DCST1: variants seen among roughly 807,000 people sequenced by gnomAD.
DCST1 encodes the protein E3 ubiquitin-protein ligase DCST1.
In DCST1, 78 loss-of-function variants were observed where a neutral mutation model predicts 89.1. The observed-to-expected ratio is 0.88, with a 90% CI of 0.73 to 1.06. The LOEUF (loss-of-function observed/expected upper bound fraction) is 1.06, where lower values mean the gene tolerates loss of function less well. Ranked by LOEUF, DCST1 falls within the 50% of genes least tolerant of loss-of-function variation. The probability of loss-of-function intolerance (pLI) is 0.00; values close to 1 mark genes in which losing one functional copy is unlikely to be tolerated. For missense variants in DCST1, 900 were observed against 928.6 expected, an observed-to-expected ratio of 0.97 and a Z score of 0.40; for synonymous variants, 364 against 371.9, an observed-to-expected ratio of 0.98 and a Z score of 0.24.
rs2102357733 is a variant in DCST1, at chr1:155,043,827, G to A, written c.1172+318G>A. 1.3e-5 allele frequency among the ~76,000 whole-genome samples: 2 copies of A among 151,618 alleles called. 1 individual carries two copies. The highest frequency in any genetic ancestry group is 1.3e-4 in the Admixed American group (2 of 15,240). ...TTTTCTTGCCCTTCATATTCCCCTT[G>A]GCTCTGACTTTGTGCCATTTTTATC... On this transcript the variant is annotated intron_variant, in intron 10 of 16. Transcript: ENST00000295542.
chr1:155,042,971 G>T, intron 9 of DCST1, 115 bp downstream of exon 9: 3 of 1,449,822 alleles, frequency 2.1e-6, no homozygotes, highest in Non-Finnish European at 1.8e-6. Flanking sequence ...GTGACCAGGG[G>T]TGAGGGAGGG....
At chr1:155,033,919 C>T (rs1318317219) in intron 1 of DCST1, 53 bp from the exon 2 acceptor site, 5 of 1,416,968 alleles carry the variant, frequency 3.5e-6, no homozygotes, top group Non-Finnish European at 4.9e-6. Context: ...GAGCTCAGGC[C>T]TAGGCTTCCC....
rs148849691 is a variant in DCST1 at position 155,041,488 on chromosome 1, C to T, written c.623C>T (p.Thr208Met). The T allele has an allele frequency of 1.4e-4, 230 of 1,613,958 alleles. 1 individual carries two copies. The highest frequency in any genetic ancestry group is 2.7e-4 in the African/African-American group (20 of 74,928). The change falls in exon 7 of 17, where the codon ACG (threonine) becomes ATG (methionine). Residue 208 changes from threonine (T) to methionine (M), a missense_variant. Coordinates refer to ENST00000295542, the MANE Select transcript of DCST1 (RefSeq NM_152494.4). ...DAQVNSETGYTPEDTMDSGET... is the reference protein window; with the variant it reads ...DAQVNSETGYMPEDTMDSGET... The stretch of plus-strand genomic sequence containing the variant: ...CAGGTGAATAGTGAGACGGGCTACA[C>T]GCCTGAGGATACCATGGACTCAGGG...
In DCST1 at chr1:155,043,416, G is replaced by A. The variant is rs140230658; in HGVS notation, c.1079G>A (p.Arg360Gln). 6.7e-5 allele frequency: 108 copies of A among 1,611,560 alleles called. No homozygotes were observed. The highest frequency in any genetic ancestry group is 1.7e-4 in the Middle Eastern group (1 of 6,018). ...TSWERVSTEV[R>Q]DYVYRQEARL... ...TGGGAGCGCGTGAGCACCGAGGTGCGGGACTACGTGTACCGCCAGGAGGCC... is the reference window on the plus strand; with the variant it reads ...TGGGAGCGCGTGAGCACCGAGGTGCAGGACTACGTGTACCGCCAGGAGGCC... Residue 360 changes from arginine (R) to glutamine (Q), a missense_variant, in exon 10 of 17, where the codon CGG becomes CAG. Coordinates refer to ENST00000295542, the MANE Select transcript of DCST1 (RefSeq NM_152494.4).
At chr1:155,034,232 TCCCAG>T in intron 2 of DCST1, 135 bp downstream of exon 2, 1 of 1,531,906 alleles carries the variant, frequency 6.5e-7, no homozygotes. Context: ...GCCTCCCGCC[TCCCAG>T]CCCAGCCCTT....
At chr1:155,046,855 C>T (rs2102362172) in intron 13 of DCST1, among the ~76,000 whole-genome samples, 1 of 152,202 alleles carries the variant, frequency 6.6e-6, no homozygotes, top group East Asian at 1.9e-4. Context: ...ATCCACCTGC[C>T]TCGGCCACCC....
chr1:155,044,033 C>T (rs2102357980), intron 10 of DCST1, among the ~76,000 whole-genome samples: 1 of 152,330 alleles, frequency 6.6e-6, no homozygotes, highest in Middle Eastern at 3.4e-3. Context: ...TCCCAAACAC[C>T]TGAGATGGGC....
At position 155,041,631 on chromosome 1, in the gene DCST1, G is replaced by A; in HGVS notation, c.748+18G>A. 1.2e-6 allele frequency: 2 copies of A among 1,614,050 alleles called. No homozygotes were observed. Among genetic ancestry groups the A allele is most frequent in the Non-Finnish European group, 8.5e-7 (1 of 1,179,922 alleles). On this transcript the variant is annotated intron_variant, in intron 7 of 16. Coordinates refer to ENST00000295542, the MANE Select transcript of DCST1 (RefSeq NM_152494.4). Reference sequence around the variant, plus strand: ...TTGCTCCTGTGAGGGGTATCCCTGGGGAGTGGAGGGTGGGGTGGGATGTGG... The same window carrying A: ...TTGCTCCTGTGAGGGGTATCCCTGGAGAGTGGAGGGTGGGGTGGGATGTGG...
At chr1:155,038,316 A>G (rs1660334231) in intron 4 of DCST1, among the ~76,000 whole-genome samples, 2 of 152,220 alleles carry the variant, frequency 1.3e-5, no homozygotes, top group Admixed American at 1.3e-4. Context: ...CATGTTAGGG[A>G]GTTCGGATTT....
In DCST1 at chr1:155,034,018, G is replaced by C; in HGVS notation, c.-19G>C. 1 of 1,614,096 alleles carries C rather than the reference G, an allele frequency of 6.2e-7. No homozygotes were observed. Among genetic ancestry groups the C allele is most frequent in the East Asian group, 2.2e-5 (1 of 44,882 alleles). Reference sequence around the variant, plus strand: ...CTTCAGGAGACCTGGGATGAGTGGTGCTTCCCCAAAACAGACTCATGGACA... The same window carrying C: ...CTTCAGGAGACCTGGGATGAGTGGTCCTTCCCCAAAACAGACTCATGGACA... On this transcript the variant is annotated 5_prime_UTR_variant, in exon 2 of 17. Transcript: ENST00000295542.
chr1:155,042,121 G>A (rs548153504), intron 8 of DCST1, among the ~76,000 whole-genome samples: 2 of 152,076 alleles, frequency 1.3e-5, no homozygotes, highest in South Asian at 4.2e-4. Context: ...TTTGAGACGG[G>A]GTGCTTCACT....
At position 155,050,740 on chromosome 1, in the gene DCST1, T is replaced by C; in HGVS notation, c.1993T>C (p.Cys665Arg). The change falls in exon 17 of 17, where the codon TGC (cysteine) becomes CGC (arginine). Residue 665 changes from cysteine to arginine, a missense_variant. Cys to Arg is a radical substitution (Grantham distance 180). Transcript: ENST00000295542. ...PESYVCRTLD[C>R]EAVYCWSCWD... ...GTCCTACGTGTGCCGGACGCTGGAC[T>C]GCGAGGCCGTGTACTGCTGGTCGTG... 3 of 1,610,988 alleles carry C rather than the reference T, an allele frequency of 1.9e-6. No homozygotes were observed. The highest frequency in any genetic ancestry group is 2.5e-6 in the Non-Finnish European group (3 of 1,178,922).
rs571989863 is a variant in DCST1 at position 155,043,355 on chromosome 1, G to A, written c.1018G>A (p.Glu340Lys). ...TTGCTCATGTGCCCTCCACCAGGAA[G>A]AGAAGCAGGCTGGGGTGCTGGGGCT... Reference protein sequence around the residue: ...EFSANIDFKEEKQAGVLGLNT... With the variant: ...EFSANIDFKEKKQAGVLGLNT... The change falls in exon 10 of 17, where the codon GAG (glutamate) becomes AAG (lysine). Residue 340 changes from glutamate to lysine, a missense_variant. Coordinates refer to ENST00000295542, the MANE Select transcript of DCST1 (RefSeq NM_152494.4). The A allele has an allele frequency of 6.2e-7, 1 of 1,614,094 alleles. No homozygotes were observed. Among genetic ancestry groups the A allele is most frequent in the South Asian group, 1.1e-5 (1 of 91,084 alleles).
Position 155,041,387 on chromosome 1 carries a change from C to T in DCST1, c.532-10C>T. 4 of 1,613,456 alleles carry T rather than the reference C, an allele frequency of 2.5e-6. No individual in the cohort carries two copies. Among genetic ancestry groups the T allele is most frequent in the Non-Finnish European group, 3.4e-6 (4 of 1,179,950 alleles). ...CCCTCACCCTTTCCTCCCTCCACCT[C>T]CAATCCCAGAGTAGCAAAGAATTGC... On this transcript the variant is annotated splice_polypyrimidine_tract_variant and intron_variant, in intron 6 of 16. Transcript: ENST00000295542.
intron 16 of DCST1, among the ~76,000 whole-genome samples, chr1:155,048,443 C>T (rs1660733743): frequency 6.6e-6 from 1 of 152,212 alleles, no homozygotes; most frequent in Non-Finnish European, 1.5e-5. Context: ...GGATTACAGG[C>T]ACACGCCATC....
chr1:155,042,600 C>A, intron 8 of DCST1, 135 bp from the exon 9 acceptor site: 1 of 1,184,776 alleles, frequency 8.4e-7, no homozygotes, highest in Non-Finnish European at 1.2e-6. Flanking sequence ...GAAGACTCAG[C>A]ATTGGTGTGG....
Position 155,048,110 on chromosome 1 carries a change from A to C in DCST1, c.1809A>C (p.Ala603=). 4 of 1,614,086 alleles carry C rather than the reference A, an allele frequency of 2.5e-6. No homozygotes were observed. The highest frequency in any genetic ancestry group is 3.4e-6 in the Non-Finnish European group (4 of 1,180,010). Residue 603 remains alanine, a synonymous_variant, in exon 16 of 17, where the codon GCA becomes GCC. Transcript: ENST00000295542. ...FLYNDLLKKR[A]AFTKLRRAAI... Reference sequence around the variant, plus strand: ...ACAATGACCTATTGAAGAAAAGAGCAGCCTTCACCAAACTCAGGAGGGCCG... The same window carrying C: ...ACAATGACCTATTGAAGAAAAGAGCCGCCTTCACCAAACTCAGGAGGGCCG...
At chr1:155,044,329 C>G (rs187348460) in intron 10 of DCST1, among the ~76,000 whole-genome samples, 2 of 152,064 alleles carry the variant, frequency 1.3e-5, no homozygotes, top group Non-Finnish European at 2.9e-5. Context: ...AAAAAATGAA[C>G]AAAATCAGCC....
In DCST1 at chr1:155,047,246, C is replaced by T. The variant is rs1458009756; in HGVS notation, c.1546C>T (p.Leu516Phe). ...CGGGGGAGACTCCATGCTAGCCCGG[C>T]TTCTTCGAAAAACCATTGGGGCCCT... The part of the protein sequence containing the change: ...KVGGDSMLAR[L>F]LRKTIGALNT... The change falls in exon 14 of 17, where the codon CTT becomes TTT. Residue 516 changes from leucine to phenylalanine, a missense_variant. Physicochemically the swap from Leu to Phe is conservative, Grantham distance 22. Transcript: ENST00000295542. 1 of 1,614,060 alleles carries T rather than the reference C, an allele frequency of 6.2e-7. No individual in the cohort carries two copies. Among genetic ancestry groups the T allele is most frequent in the East Asian group, 2.2e-5 (1 of 44,896 alleles).
Sources: allele counts gnomAD v4.1 joint callset (sites outside exome capture counted in the v4.1 genomes callset), GRCh38; gene constraint gnomAD v4.1.1; transcripts MANE v1.5; gene names NCBI Gene and HGNC (gene_info 2026-07-23, HGNC 2026-07-21).